Variants in DTNA observed in about 807,000 individuals in gnomAD.
DTNA encodes the protein dystrophin-related protein 3.
In DTNA, 43 loss-of-function variants were observed where a neutral mutation model predicts 100.7. That is an observed-to-expected ratio of 0.43 (90% CI 0.33 to 0.55). DTNA has a LOEUF of 0.55. Ranked by LOEUF, DTNA falls within the 20% of genes least tolerant of loss-of-function variation. The pLI, the probability that DTNA is intolerant of heterozygous loss-of-function variation, is 0.04. For missense variants in DTNA, 798 were observed against 953.9 expected, an observed-to-expected ratio of 0.84 and a Z score of 2.15; for synonymous variants, 349 against 347.9, an observed-to-expected ratio of 1.00 and a Z score of -0.04.
At chr18:34,713,516 T>G (rs1433255892) in intron 1 of DTNA, among the ~76,000 whole-genome samples, 1 of 152,030 alleles carries the variant, frequency 6.6e-6, no homozygotes, top group African/African-American at 2.4e-5. Flanking sequence ...ACCAGTACCA[T>G]GCTGTTTTGG....
intron 1 of DTNA, among the ~76,000 whole-genome samples, chr18:34,748,589 A>G (rs1235413465): frequency 6.6e-5 from 10 of 152,036 alleles, no homozygotes; most frequent in Non-Finnish European, 7.4e-5. Context: ...TATGTTTTGT[A>G]TGCTTTGTTG....
intron 1 of DTNA, among the ~76,000 whole-genome samples, chr18:34,723,590 G>T (rs2085870151): frequency 6.6e-6 from 1 of 152,030 alleles, no homozygotes; most frequent in Non-Finnish European, 1.5e-5. Flanking sequence ...GACATAAGAT[G>T]TTCACAACTA....
intron 1 of DTNA, among the ~76,000 whole-genome samples, chr18:34,542,900 T>G (rs1276653657): frequency 6.6e-6 from 1 of 152,086 alleles, no homozygotes; most frequent in Non-Finnish European, 1.5e-5. Context: ...TTGAAAAATG[T>G]ATGTCCTCAT....
chr18:34,788,094 C>T (rs546226035), intron 3 of DTNA, among the ~76,000 whole-genome samples: 3 of 152,098 alleles, frequency 2.0e-5, no homozygotes, highest in Non-Finnish European at 4.4e-5. Flanking sequence ...TATTAATGGA[C>T]GACTGGTTTG....
intron 1 of DTNA, among the ~76,000 whole-genome samples, chr18:34,724,502 C>G (rs1377106161): frequency 6.6e-6 from 1 of 152,158 alleles, no homozygotes; most frequent in Non-Finnish European, 1.5e-5. Context: ...AGGTTGTACA[C>G]AAAGCATAAT....
At chr18:34,720,283 A>G (rs1265271863) in intron 1 of DTNA, among the ~76,000 whole-genome samples, 2 of 152,202 alleles carry the variant, frequency 1.3e-5, no homozygotes, top group African/African-American at 4.8e-5. Flanking sequence ...CATCCTCTGT[A>G]CAAAAAGAAT....
chr18:34,861,054 T>C (rs1356399930), intron 16 of DTNA, among the ~76,000 whole-genome samples: 1 of 152,298 alleles, frequency 6.6e-6, no homozygotes, highest in South Asian at 2.1e-4. Context: ...AATTTATGTA[T>C]ATATTTCCTA....
At chr18:34,755,938 G>A (rs370077948) in intron 1 of DTNA, 38 bp from the exon 2 acceptor site, 230 of 1,573,456 alleles carry the variant, frequency 1.5e-4, no homozygotes, top group Non-Finnish European at 1.5e-4. Context: ...CCTCAATAGC[G>A]TGAGGATAAT....
chr18:34,700,454 G>C (rs933883095), intron 1 of DTNA, among the ~76,000 whole-genome samples: 12 of 151,978 alleles, frequency 7.9e-5, no homozygotes, highest in African/African-American at 2.9e-4. Flanking sequence ...CTCACTATCA[G>C]ACTCCTCCTG....
intron 1 of DTNA, among the ~76,000 whole-genome samples, chr18:34,631,672 A>G (rs185583289): frequency 1.0e-3 from 154 of 152,344 alleles, no homozygotes; most frequent in African/African-American, 3.6e-3. Flanking sequence ...AATAGTAGCA[A>G]TAGAGATTTG....
chr18:34,809,390 G>A (rs1176508414), intron 5 of DTNA, among the ~76,000 whole-genome samples: 1 of 152,192 alleles, frequency 6.6e-6, no homozygotes, highest in Non-Finnish European at 1.5e-5. Context: ...CCAGGAGGCA[G>A]AGGTTGCGTG....
chr18:34,818,470 C>T, intron 8 of DTNA, 140 bp downstream of exon 8: 3 of 1,534,528 alleles, frequency 2.0e-6, no homozygotes, highest in Admixed American at 2.0e-5. Context: ...CCCTTCCTCC[C>T]ACTCTCCACC....
intron 1 of DTNA, among the ~76,000 whole-genome samples, chr18:34,559,378 C>G (rs1338625548): frequency 2.6e-5 from 4 of 152,038 alleles, no homozygotes; most frequent in Non-Finnish European, 4.4e-5. Context: ...TAAAGTATTC[C>G]AAAAATACTG....
intron 4 of DTNA, among the ~76,000 whole-genome samples, chr18:34,801,789 G>A (rs984071393): frequency 1.2e-4 from 18 of 152,188 alleles, no homozygotes; most frequent in Admixed American, 1.0e-3. Context: ...AATTACAGGC[G>A]TGAGCCATCA....
intron 1 of DTNA, among the ~76,000 whole-genome samples, chr18:34,593,145 TCCTTTTACCCAC>T (rs2049933727): frequency 6.6e-6 from 1 of 152,138 alleles, no homozygotes; most frequent in Admixed American, 6.6e-5. Context: ...TGAAAGCATC[TCCTTTTACCCAC>T]GTAGAGACAG....
At chr18:34,556,303 A>G (rs1047265949) in intron 1 of DTNA, among the ~76,000 whole-genome samples, 2 of 152,086 alleles carry the variant, frequency 1.3e-5, no homozygotes, top group Non-Finnish European at 2.9e-5. Context: ...CAGCACACTG[A>G]TGGGTCTTGA....
intron 1 of DTNA, among the ~76,000 whole-genome samples, chr18:34,619,522 A>G (rs978134805): frequency 1.3e-5 from 2 of 152,206 alleles, no homozygotes; most frequent in African/African-American, 4.8e-5. Flanking sequence ...GGAGAAATTT[A>G]AGAGATACTT....
intron 1 of DTNA, among the ~76,000 whole-genome samples, chr18:34,688,643 T>C (rs746988127): frequency 6.6e-6 from 1 of 152,110 alleles, no homozygotes; most frequent in Non-Finnish European, 1.5e-5. Context: ...TCTTGAGGAG[T>C]ATCTTTGTGG....
chr18:34,814,879 T>A (rs2095562468), intron 6 of DTNA, among the ~76,000 whole-genome samples: 1 of 152,186 alleles, frequency 6.6e-6, no homozygotes, highest in Admixed American at 6.5e-5. Flanking sequence ...CCAGGAGTGC[T>A]TTTTAGCAAG....
Sources: allele counts gnomAD v4.1 joint callset (sites outside exome capture counted in the v4.1 genomes callset), GRCh38; gene constraint gnomAD v4.1.1; transcripts MANE v1.5; gene names NCBI Gene and HGNC (gene_info 2026-07-23, HGNC 2026-07-21).